The following SLC25A6 variants were observed in gnomAD, a reference collection of about 807,000 sequenced individuals.
The protein encoded by SLC25A6 is ADP/ATP translocase 3.
In SLC25A6, 9 loss-of-function variants were observed where a neutral mutation model predicts 25.7. The ratio of observed to expected loss-of-function variants is 0.35; its 90% CI spans 0.21 to 0.61. SLC25A6 has a LOEUF of 0.61. SLC25A6 is among the 20% of genes least tolerant of loss of function. The probability of loss-of-function intolerance (pLI) is 0.76; values close to 1 mark genes in which losing one functional copy is unlikely to be tolerated. For missense variants in SLC25A6, 404 were observed against 440.5 expected (o/e 0.92, Z 0.74); for synonymous variants, 223 against 197.0 (o/e 1.13, Z -1.11).
chrX:1,391,943 T>C lies in SLC25A6; in HGVS notation c.67A>G (p.Lys23Glu), dbSNP rs768118492. The change falls in exon 1 of 4, where the codon AAG becomes GAG. Residue 23 changes from lysine to glutamate, a missense_variant. Lys to Glu is a moderately conservative substitution (Grantham distance 56). Coordinates refer to ENST00000381401, the MANE Select transcript of SLC25A6 (RefSeq NM_001636.4). The part of the protein sequence containing the change: ...LAGGIAAAIS[K>E]TAVAPIERVK... ...CGCTCGATCGGAGCCACGGCCGTCT[T>C]GGAGATGGCGGCGGCGATGCCTCCG... 2.5e-6 allele frequency: 4 copies of C among 1,609,860 alleles called. No individual in the cohort carries two copies. Among genetic ancestry groups the C allele is most frequent in the Non-Finnish European group, 3.4e-6 (4 of 1,178,980 alleles).
rs1395775351 is a variant in SLC25A6, at chrX:1,386,634, C to T, written c.865G>A (p.Val289Ile). ...LRGMGGAFVL[V>I]LYDELKKVI ...ACCTTCTTGAGCTCGTCGTACAGGA[C>T]CAGCACGAAGGCGCCCCCCATGCCC... Residue 289 changes from valine to isoleucine, a missense_variant, in exon 4 of 4, where the codon GTC (valine) becomes ATC (isoleucine). Physicochemically the swap from Val to Ile is conservative, Grantham distance 29 (BLOSUM62 3). Transcript: ENST00000381401. 1.3e-6 allele frequency: 2 copies of T among 1,596,442 alleles called. No homozygotes were observed. The highest frequency in any genetic ancestry group is 2.3e-5 in the East Asian group (1 of 43,296).
In SLC25A6 at chrX:1,386,224, G is replaced by A. The variant is rs1469304853; in HGVS notation, c.*378C>T. 9.8e-6 allele frequency: 2 copies of A among 203,400 alleles called. No individual in the cohort carries two copies. Among genetic ancestry groups the A allele is most frequent in the Admixed American group, 6.0e-5 (1 of 16,586 alleles). 12.6% of individuals were successfully genotyped at this position (203,400 alleles called of 1,614,324 possible). On this transcript the variant is annotated 3_prime_UTR_variant, in exon 4 of 4. Coordinates refer to ENST00000381401, the MANE Select transcript of SLC25A6 (RefSeq NM_001636.4). ...AGAACATACTCGCCAGTACTCGGCT[G>A]TGCAAAACAGGGGCTAGCGCTGAAG...
rs750237379 is a variant in SLC25A6 at position 1,386,215 on chromosome X, T to C, written c.*387A>G. On this transcript the variant is annotated 3_prime_UTR_variant, in exon 4 of 4. Transcript: ENST00000381401. ...GCCCAACATAGAACATACTCGCCAG[T>C]ACTCGGCTGTGCAAAACAGGGGCTA... is the stretch of plus-strand genomic sequence containing the variant. 54 of 191,086 alleles carry C rather than the reference T, an allele frequency of 2.8e-4. No homozygotes were observed. The highest frequency in any genetic ancestry group is 4.8e-4 in the Non-Finnish European group (45 of 94,184). The allele number at this position is 191,086 out of a possible 1,614,324, so 11.8% of individuals were successfully genotyped here.
rs766106667 is a variant in SLC25A6, at chrX:1,387,269, C to T, written c.739+10G>A. 6 of 1,610,374 alleles carry T rather than the reference C, an allele frequency of 3.7e-6. No homozygotes were observed. Among genetic ancestry groups the T allele is most frequent in the Admixed American group, 3.3e-5 (2 of 59,922 alleles). The stretch of plus-strand genomic sequence containing the variant: ...TCCCGGCAGCAAGGGTCCCCCGCCC[C>T]CCCGAGTACCTCCTTTGCGCCCGGA... On this transcript the variant is annotated intron_variant, in intron 3 of 3. Coordinates refer to ENST00000381401, the MANE Select transcript of SLC25A6 (RefSeq NM_001636.4).
At chrX:1,390,605 A>T (rs1351114974) in intron 1 of SLC25A6, among the ~76,000 whole-genome samples, 1 of 149,350 alleles carries the variant, frequency 6.7e-6, no homozygotes, top group African/African-American at 2.5e-5. Flanking sequence ...TTTTTTTAAG[A>T]TGTGGGGTCT....
At position 1,387,417 on chromosome X, in the gene SLC25A6, T is replaced by G; in HGVS notation, c.601A>C (p.Met201Leu). Residue 201 changes from methionine (M) to leucine (L), a missense_variant and splice_region_variant, in exon 3 of 4, where the codon ATG becomes CTG. By Grantham distance (15) the Met-to-Leu change is conservative. Transcript: ENST00000381401. ...YFGVYDTAKG[M>L]LPDPKNTHIV... ...TGCGTGTTCTTGGGGTCGGGGAGCATGCCTGCGCGGGAACGGCACGTCACC... is the reference window on the plus strand; with the variant it reads ...TGCGTGTTCTTGGGGTCGGGGAGCAGGCCTGCGCGGGAACGGCACGTCACC... 2 of 1,612,560 alleles carry G rather than the reference T, an allele frequency of 1.2e-6. No homozygotes were observed. Among genetic ancestry groups the G allele is most frequent in the Non-Finnish European group, 1.7e-6 (2 of 1,179,626 alleles).
Position 1,389,507 on chromosome X carries a change from C to T in SLC25A6, c.332G>A (p.Arg111Lys). ...GGAGGCCAGGTTGCCCGCAAAGTAC[C>T]TCCAGAACTGCGTGTGCTTGTCCAC... ...GGVDKHTQFW[R>K]YFAGNLASGG... The change falls in exon 2 of 4, where the codon AGG becomes AAG. Residue 111 changes from arginine (R) to lysine (K), a missense_variant. Coordinates refer to ENST00000381401, the MANE Select transcript of SLC25A6 (RefSeq NM_001636.4). The T allele has an allele frequency of 1.2e-6, 2 of 1,614,190 alleles. No homozygotes were observed. Among genetic ancestry groups the T allele is most frequent in the Middle Eastern group, 1.7e-4 (1 of 6,042 alleles).
At chrX:1,391,854 G>C (rs1410487196) in intron 1 of SLC25A6, 45 bp downstream of exon 1, 170 of 1,483,792 alleles carry the variant, frequency 1.1e-4, no homozygotes, top group Non-Finnish European at 1.5e-4. Context: ...CGGCCACTCG[G>C]TTCCCGTCCC....
At chrX:1,391,787 G>A (rs1331411272) in intron 1 of SLC25A6, 112 bp downstream of exon 1, 15 of 760,856 alleles carry the variant, frequency 2.0e-5, no homozygotes, top group Non-Finnish European at 3.1e-5. Flanking sequence ...AGCGATCGCG[G>A]CCTTCCACTT....
chrX:1,391,721 G>A (rs1454630172), intron 1 of SLC25A6, among the ~76,000 whole-genome samples, 178 bp downstream of exon 1: 2 of 152,244 alleles, frequency 1.3e-5, no homozygotes, highest in Admixed American at 6.5e-5. Flanking sequence ...ACGTCGCCAC[G>A]CCCTGCAGCA....
chrX:1,389,195 T>C, intron 2 of SLC25A6, 46 bp downstream of exon 2: 1 of 1,587,290 alleles, frequency 6.3e-7, no homozygotes, highest in Non-Finnish European at 8.6e-7. Flanking sequence ...GGAACGTCTG[T>C]GTGTTGAGCC....
intron 1 of SLC25A6, among the ~76,000 whole-genome samples, chrX:1,390,034 C>CA (rs1242513364): frequency 6.6e-6 from 1 of 151,566 alleles, no homozygotes; most frequent in Non-Finnish European, 1.5e-5. Context: ...TTTAAAAAGA[C>CA]AAGGTCTCAT....
At chrX:1,388,132 GAC>G (rs1411018559) in intron 2 of SLC25A6, among the ~76,000 whole-genome samples, 1 of 143,870 alleles carries the variant, frequency 7.0e-6, no homozygotes, top group Non-Finnish European at 1.5e-5. Flanking sequence ...TAAGGACACA[GAC>G]ACACACAGAG....
intron 1 of SLC25A6, among the ~76,000 whole-genome samples, chrX:1,389,952 C>T (rs1429043249): frequency 6.6e-6 from 1 of 151,918 alleles, no homozygotes; most frequent in Admixed American, 6.6e-5. Flanking sequence ...TAGAGACGAG[C>T]GTTCCACCAT....
intron 2 of SLC25A6, among the ~76,000 whole-genome samples, chrX:1,388,938 T>G (rs1448845396): frequency 3.2e-5 from 4 of 124,774 alleles, no homozygotes; most frequent in African/African-American, 1.3e-4. Flanking sequence ...ACCTCCAGCC[T>G]CCAGGACTGT....
intron 1 of SLC25A6, among the ~76,000 whole-genome samples, chrX:1,391,515 G>A (rs1182684136): frequency 3.3e-5 from 5 of 152,212 alleles, no homozygotes; most frequent in East Asian, 1.9e-4. Context: ...TACCCTTCAC[G>A]GTGGAGGGAG....
intron 1 of SLC25A6, among the ~76,000 whole-genome samples, chrX:1,391,360 A>C (rs1440453191): frequency 6.6e-6 from 1 of 152,192 alleles, no homozygotes; most frequent in East Asian, 1.9e-4. Flanking sequence ...ACTTTCTATA[A>C]GCCTCTCCCA....
rs1261860069 is a variant in SLC25A6, at chrX:1,389,576, T to A, written c.263A>T (p.Asn88Ile). 2.5e-6 allele frequency: 4 copies of A among 1,614,022 alleles called. No homozygotes were observed. The highest frequency in any genetic ancestry group is 3.4e-6 in the Non-Finnish European group (4 of 1,180,022). Reference protein sequence around the residue: ...VIRYFPTQALNFAFKDKYKQI... With the variant: ...VIRYFPTQALIFAFKDKYKQI... ...CTTGTACTTATCCTTGAAGGCGAAG[T>A]TGAGGGCTTGAGTGGGGAAGTAGCG... The change falls in exon 2 of 4, where the codon AAC (asparagine) becomes ATC (isoleucine). Residue 88 changes from asparagine (N) to isoleucine (I), a missense_variant. Physicochemically the swap from Asn to Ile is moderately radical, Grantham distance 149. Coordinates refer to ENST00000381401, the MANE Select transcript of SLC25A6 (RefSeq NM_001636.4).
chrX:1,390,075 G>C (rs1207732039), intron 1 of SLC25A6: 3 of 357,436 alleles, frequency 8.4e-6, no homozygotes, highest in African/African-American at 6.2e-5. Flanking sequence ...GTAGTGGTGC[G>C]ATCTCACCTC....
Sources: gnomAD v4.1 joint callset for allele counts (sites outside exome capture counted in the v4.1 genomes callset) on GRCh38, gnomAD v4.1.1 for gene constraint, MANE v1.5 for transcripts, NCBI Gene and HGNC (gene_info 2026-07-23, HGNC 2026-07-21) for gene names.